Variants in ADGB observed in about 807,000 individuals in gnomAD.
The protein encoded by ADGB is calpain-7-like protein.
A neutral mutation model predicts 210.5 loss-of-function variants in ADGB; 172 were observed. The ratio of observed to expected loss-of-function variants is 0.82; its 90% CI spans 0.72 to 0.93. ADGB has a LOEUF of 0.93. Among genes scored for constraint, ADGB ranks in the 40% least tolerant of loss-of-function variants. The pLI is 0.00. For synonymous variants in ADGB, 658 were observed against 662.7 expected, an observed-to-expected ratio of 0.99 and a Z score of 0.11; for missense variants, 2,025 against 1,964.8, an observed-to-expected ratio of 1.03 and a Z score of -0.58.
chr6:146,698,799 C>T (rs374625060), intron 12 of ADGB, among the ~76,000 whole-genome samples: 1 of 151,964 alleles, frequency 6.6e-6, no homozygotes, highest in East Asian at 1.9e-4. Context: ...CCCGGCTGGT[C>T]TCAAACTTCT....
intron 12 of ADGB, among the ~76,000 whole-genome samples, chr6:146,699,881 C>G (rs562261404): frequency 1.3e-5 from 2 of 152,154 alleles, no homozygotes; most frequent in East Asian, 3.9e-4. Context: ...ACCTAAATTC[C>G]CTGAGTTACT....
At chr6:146,763,771 T>C (rs887306799) in intron 27 of ADGB, 130 bp from the exon 28 acceptor site, 1 of 827,066 alleles carries the variant, frequency 1.2e-6, no homozygotes, top group African/African-American at 1.7e-5. Flanking sequence ...AAACACTGTT[T>C]TTTATCTCAC....
chr6:146,708,129 T>C (rs926639476), intron 13 of ADGB, among the ~76,000 whole-genome samples: 34 of 152,256 alleles, frequency 2.2e-4, no homozygotes, highest in African/African-American at 8.2e-4. Context: ...ATGTTTTTGA[T>C]GTAACAATTT....
Position 146,752,558 on chromosome 6 carries a change from C to T in ADGB, c.3394C>T (p.Pro1132Ser), listed in dbSNP as rs866512928. The change falls in exon 27 of 36, where the codon CCT becomes TCT. Residue 1132 changes from proline (P) to serine (S), a missense_variant. Pro to Ser is a moderately conservative substitution (Grantham distance 74). Transcript: ENST00000397944. ...RYSVKVLTPQPATIQVRTSKP... is the reference protein window; with the variant it reads ...RYSVKVLTPQSATIQVRTSKP... ...TTCGGTTAAAGTTCTAACACCACAA[C>T]CTGCTACAATACAGGTACGCACATC... The T allele has an allele frequency of 1.9e-6, 3 of 1,548,098 alleles. No homozygotes were observed. The highest frequency in any genetic ancestry group is 1.2e-5 in the South Asian group (1 of 83,232).
chr6:146,704,047 C>G (rs966057405), intron 13 of ADGB, among the ~76,000 whole-genome samples: 1 of 151,820 alleles, frequency 6.6e-6, no homozygotes, highest in South Asian at 2.1e-4. Context: ...AATTTATGTT[C>G]CTCTGATGAT....
At chr6:146,658,012 AG>A (rs927097327) in intron 5 of ADGB, among the ~76,000 whole-genome samples, 1 of 152,190 alleles carries the variant, frequency 6.6e-6, no homozygotes, top group African/African-American at 2.4e-5. Flanking sequence ...GAACATTTAA[AG>A]GAATGGGAAA....
chr6:146,664,209 G>T lies in ADGB; in HGVS notation c.621G>T (p.Trp207Cys). Residue 207 changes from tryptophan (W) to cysteine (C), a missense_variant, in exon 6 of 36, where the codon TGG (tryptophan) becomes TGT (cysteine). Transcript: ENST00000397944. ...YVVKLYWMGC[W>C]RKITIDDFLP... Reference sequence around the variant, plus strand: ...TTTCATCTTATTTTTAGGGTTGCTGGAGAAAGATAACAATTGATGACTTTT... The same window carrying T: ...TTTCATCTTATTTTTAGGGTTGCTGTAGAAAGATAACAATTGATGACTTTT... 1 of 1,545,054 alleles carries T rather than the reference G, an allele frequency of 6.5e-7. No homozygotes were observed. The highest frequency in any genetic ancestry group is 8.7e-7 in the Non-Finnish European group (1 of 1,144,010).
chr6:146,717,209 C>A, intron 15 of ADGB, 140 bp downstream of exon 15: 1 of 658,030 alleles, frequency 1.5e-6, no homozygotes, highest in Admixed American at 3.5e-5. Flanking sequence ...TAGCATCATC[C>A]AAAATAAGCC....
intron 25 of ADGB, among the ~76,000 whole-genome samples, chr6:146,742,354 A>G (rs952988714): frequency 6.6e-6 from 1 of 151,502 alleles, no homozygotes; most frequent in Non-Finnish European, 1.5e-5. Flanking sequence ...TTTTAATAAG[A>G]CAGATTTTTT....
intron 6 of ADGB, among the ~76,000 whole-genome samples, chr6:146,665,287 G>A (rs1410764799): frequency 1.3e-5 from 2 of 151,838 alleles, no homozygotes. Flanking sequence ...CTCTCCCAAG[G>A]CTACAAAACA....
intron 5 of ADGB, among the ~76,000 whole-genome samples, chr6:146,663,380 C>A (rs532106476): frequency 9.9e-5 from 15 of 151,416 alleles, no homozygotes; most frequent in Non-Finnish European, 1.8e-4. Flanking sequence ...TCTGGCAAAG[C>A]CCTGCTCCCT....
At chr6:146,616,041 G>A (rs1369816912) in intron 1 of ADGB, among the ~76,000 whole-genome samples, 1 of 152,080 alleles carries the variant, frequency 6.6e-6, no homozygotes, top group East Asian at 1.9e-4. Flanking sequence ...CAGTGTACTA[G>A]CATTCCTCTT....
chr6:146,716,771 A>T, intron 14 of ADGB, 112 bp from the exon 15 acceptor site: 1 of 1,010,648 alleles, frequency 9.9e-7, no homozygotes, highest in African/African-American at 1.6e-5. Context: ...TTATCTCATA[A>T]ATATTTTCCC....
At chr6:146,611,594 A>C (rs973840796) in intron 1 of ADGB, among the ~76,000 whole-genome samples, 1 of 152,168 alleles carries the variant, frequency 6.6e-6, no homozygotes, top group Non-Finnish European at 1.5e-5. Context: ...GCTCAGGGCC[A>C]GAAACGAGTC....
At chr6:146,792,651 A>G (rs547297250) in intron 33 of ADGB, among the ~76,000 whole-genome samples, 1 of 152,134 alleles carries the variant, frequency 6.6e-6, no homozygotes, top group East Asian at 1.9e-4. Flanking sequence ...TTTGGCCATC[A>G]GAGTCTTTGG....
At chr6:146,622,568 T>C (rs984148802) in intron 1 of ADGB, among the ~76,000 whole-genome samples, 1 of 152,142 alleles carries the variant, frequency 6.6e-6, no homozygotes, top group Non-Finnish European at 1.5e-5. Context: ...TGTACTCTTA[T>C]GTTAGAGTAT....
At chr6:146,732,484 G>A (rs1321655790) in intron 20 of ADGB, among the ~76,000 whole-genome samples, 1 of 151,970 alleles carries the variant, frequency 6.6e-6, no homozygotes, top group Non-Finnish European at 1.5e-5. Flanking sequence ...ATGCTACCAA[G>A]ATTACTCCTC....
At chr6:146,674,974 C>T (rs1017286570) in intron 8 of ADGB, among the ~76,000 whole-genome samples, 2 of 151,922 alleles carry the variant, frequency 1.3e-5, no homozygotes, top group Non-Finnish European at 2.9e-5. Flanking sequence ...TATACATGCA[C>T]TCAAATATTG....
chr6:146,795,979 T>A (rs753730514), intron 33 of ADGB, among the ~76,000 whole-genome samples: 1 of 152,128 alleles, frequency 6.6e-6, no homozygotes, highest in Admixed American at 6.6e-5. Context: ...CTCCTAGATC[T>A]GATAAATGAA....
Sources: allele counts gnomAD v4.1 joint callset (sites outside exome capture counted in the v4.1 genomes callset), GRCh38; gene constraint gnomAD v4.1.1; transcripts MANE v1.5; gene names NCBI Gene and HGNC (gene_info 2026-07-23, HGNC 2026-07-21).